The following COL5A2 variants were observed in gnomAD, a reference collection of about 807,000 sequenced individuals.
The protein encoded by COL5A2 is collagen alpha-2(V) chain.
In COL5A2, 23 loss-of-function variants were observed where a neutral mutation model predicts 208.2. The observed-to-expected ratio is 0.11, with a 90% CI of 0.08 to 0.16. COL5A2 has a LOEUF of 0.16. Ranked by LOEUF, COL5A2 falls within the 10% of genes least tolerant of loss-of-function variation. The probability of loss-of-function intolerance (pLI) is 1.00; values close to 1 mark genes in which losing one functional copy is unlikely to be tolerated. For missense variants in COL5A2, 1,590 were observed against 1,956.4 expected (o/e 0.81, Z 3.53); for synonymous variants, 625 against 628.5 (o/e 0.99, Z 0.08).
chr2:189,180,099 G>A (rs1005159914), upstream of COL5A2, among the ~76,000 whole-genome samples: 12 of 151,860 alleles, frequency 7.9e-5, no homozygotes, highest in African/African-American at 2.7e-4. Flanking sequence ...TCCCCTATAA[G>A]CTGAAAAAGA....
At chr2:189,396,715 G>A in the COL5A2 span, among the ~76,000 whole-genome samples, 1 of 147,990 alleles carries the variant, frequency 6.8e-6, no homozygotes, top group Non-Finnish European at 1.5e-5. Context: ...CGGGCGCGGT[G>A]GCTTATGCCT....
At chr2:189,044,583 A>T (rs1685624935) in intron 47 of COL5A2, among the ~76,000 whole-genome samples, 1 of 152,178 alleles carries the variant, frequency 6.6e-6, no homozygotes, top group South Asian at 2.1e-4. Context: ...CAAATTAAAG[A>T]GGAGAATTAT....
At chr2:189,106,670 T>G (rs1259062991) in intron 2 of COL5A2, among the ~76,000 whole-genome samples, 1 of 151,256 alleles carries the variant, frequency 6.6e-6, no homozygotes, top group African/African-American at 2.4e-5. Context: ...ACTCAGTCTA[T>G]CTTTGTGTTT....
chr2:189,287,072 T>C, the COL5A2 span, among the ~76,000 whole-genome samples: 1 of 152,076 alleles, frequency 6.6e-6, no homozygotes, highest in Non-Finnish European at 1.5e-5. Flanking sequence ...GAAGTATCAG[T>C]TGCATCCCTG....
chr2:189,075,750 C>T (rs1178215913), intron 16 of COL5A2, among the ~76,000 whole-genome samples: 1 of 152,122 alleles, frequency 6.6e-6, no homozygotes, highest in Non-Finnish European at 1.5e-5. Context: ...AAAATTTGAA[C>T]ACCTCAGTAT....
the COL5A2 span, among the ~76,000 whole-genome samples, chr2:189,293,329 C>A: frequency 6.6e-6 from 1 of 152,108 alleles, no homozygotes; most frequent in Non-Finnish European, 1.5e-5. Flanking sequence ...AATTAATACT[C>A]CCATGGGAGC....
At chr2:189,359,244 T>G in the COL5A2 span, among the ~76,000 whole-genome samples, 3 of 152,174 alleles carry the variant, frequency 2.0e-5, no homozygotes, top group Non-Finnish European at 2.9e-5. Context: ...TGAGGTATAC[T>G]TCTTCTATAT....
chr2:189,384,816 G>A, the COL5A2 span, among the ~76,000 whole-genome samples: 28 of 151,810 alleles, frequency 1.8e-4, no homozygotes, highest in Non-Finnish European at 2.7e-4. Flanking sequence ...TCAAGAAATC[G>A]TTGCATAAAC....
At chr2:189,433,551 C>T in the COL5A2 span, among the ~76,000 whole-genome samples, 2 of 152,322 alleles carry the variant, frequency 1.3e-5, no homozygotes, top group South Asian at 4.1e-4. Context: ...ATACAATAAA[C>T]AACTCTATGC....
intron 12 of COL5A2, among the ~76,000 whole-genome samples, chr2:189,082,882 C>T (rs1260261704): frequency 5.9e-5 from 9 of 152,204 alleles, no homozygotes; most frequent in Admixed American, 5.9e-4. Flanking sequence ...ATGTCTCTGT[C>T]TGCATTTATT....
At chr2:189,272,944 A>C in the COL5A2 span, among the ~76,000 whole-genome samples, 1 of 152,112 alleles carries the variant, frequency 6.6e-6, no homozygotes, top group Admixed American at 6.6e-5. Context: ...CTTTGCCAAC[A>C]ATGTCTTAGG....
Position 189,154,381 on chromosome 2 carries a change from C to T in COL5A2, c.97+25127G>A, listed in dbSNP as rs181415940. On this transcript the variant is annotated intron_variant, in intron 1 of 53. Coordinates refer to ENST00000374866, the MANE Select transcript of COL5A2 (RefSeq NM_000393.5). ...GGTTTAATAAGGATGCGCTCATTCGCTAGGAGAATCATAATTCATGACTCC... is the reference window on the plus strand; with the variant it reads ...GGTTTAATAAGGATGCGCTCATTCGTTAGGAGAATCATAATTCATGACTCC... Among the ~76,000 whole-genome samples, 5 of 152,300 alleles carry T rather than the reference C, an allele frequency of 3.3e-5. No homozygotes were observed. The East Asian group carries it at 9.7e-4, about 29-fold the overall frequency.
In COL5A2 at chr2:189,152,326, G is replaced by T. The variant is rs145502389; in HGVS notation, c.97+27182C>A. On this transcript the variant is annotated intron_variant, in intron 1 of 53. Transcript: ENST00000374866. ...GTAAGGTCAGCACTCCATGCCTTCC[G>T]GGCTACAAGTTATGATACCAAAGAG... Among the ~76,000 whole-genome samples the T allele has an allele frequency of 9.6e-3, 1,464 of 152,202 alleles. 29 individuals are homozygous for T. The highest frequency in any genetic ancestry group is 0.012 in the Non-Finnish European group (798 of 68,020).
chr2:189,105,308 C>T (rs537970006), intron 2 of COL5A2, among the ~76,000 whole-genome samples: 21 of 151,514 alleles, frequency 1.4e-4, no homozygotes, highest in African/African-American at 5.1e-4. Flanking sequence ...GAAATTATAC[C>T]ACTTTACACT....
the COL5A2 span, among the ~76,000 whole-genome samples, chr2:189,260,577 C>CA: frequency 1.3e-5 from 2 of 151,232 alleles, no homozygotes; most frequent in Non-Finnish European, 3.0e-5. Context: ...TTGATGTAAA[C>CA]AAAAAACCTA....
At chr2:189,387,676 C>A in the COL5A2 span, among the ~76,000 whole-genome samples, 1 of 152,150 alleles carries the variant, frequency 6.6e-6, no homozygotes, top group East Asian at 1.9e-4. Flanking sequence ...AAAGTTGCAA[C>A]AGGTTAAGAT....
intron 5 of COL5A2, chr2:189,097,613 A>C (rs1235240575): frequency 3.3e-6 from 2 of 600,494 alleles, no homozygotes. Context: ...AGTAATTGCA[A>C]ATTTTTAAGG....
the COL5A2 span, among the ~76,000 whole-genome samples, chr2:189,362,729 G>C: frequency 6.6e-6 from 1 of 152,048 alleles, no homozygotes; most frequent in Non-Finnish European, 1.5e-5. Context: ...TTTCTGCTTA[G>C]AGGAAATATT....
rs186463450 is a variant in COL5A2, at chr2:189,083,577, G to A, written c.852+407C>T. ...TCTTCAAGCTATTATTTAGACATAT[G>A]TGACAATATAAAGTAAAAATATTAA... On this transcript the variant is annotated intron_variant, in intron 12 of 53. Transcript: ENST00000374866. 2.8e-4 allele frequency among the ~76,000 whole-genome samples: 42 copies of A among 151,960 alleles called. 1 individual carries two copies. Among genetic ancestry groups the A allele is most frequent in the Admixed American group, 5.9e-4 (9 of 15,266 alleles).
Sources: allele counts gnomAD v4.1 joint callset (sites outside exome capture counted in the v4.1 genomes callset), GRCh38; gene constraint gnomAD v4.1.1; transcripts MANE v1.5; gene names NCBI Gene and HGNC (gene_info 2026-07-23, HGNC 2026-07-21).